RAB30: variants seen among roughly 807,000 people sequenced by gnomAD.
RAB30 encodes ras-related protein Rab-30.
In RAB30, 9 loss-of-function variants were observed where a neutral mutation model predicts 25.1. The observed-to-expected ratio is 0.36, with a 90% CI of 0.22 to 0.63. The LOEUF (loss-of-function observed/expected upper bound fraction) is 0.63, where lower values mean the gene tolerates loss of function less well. Among genes scored for constraint, RAB30 ranks in the 20% least tolerant of loss-of-function variants. The probability of loss-of-function intolerance (pLI) is 0.69; values close to 1 mark genes in which losing one functional copy is unlikely to be tolerated. For missense variants in RAB30, 140 were observed against 243.5 expected (o/e 0.58, Z 2.83); for synonymous variants, 77 against 86.4 (o/e 0.89, Z 0.60).
intron 1 of RAB30, among the ~76,000 whole-genome samples, chr11:83,049,686 A>G (rs1858315766): frequency 6.6e-6 from 1 of 151,496 alleles, no homozygotes; most frequent in Admixed American, 6.6e-5. Flanking sequence ...GGGTCTCACT[A>G]TGTTGCCCAG....
chr11:83,058,037 C>T (rs1320759031), intron 1 of RAB30, among the ~76,000 whole-genome samples: 1 of 152,160 alleles, frequency 6.6e-6, no homozygotes, highest in East Asian at 1.9e-4. Flanking sequence ...ATTGGCATCT[C>T]CCCTCTCACC....
chr11:83,066,622 C>A (rs1388105937), intron 1 of RAB30, among the ~76,000 whole-genome samples: 1 of 152,238 alleles, frequency 6.6e-6, no homozygotes, highest in Non-Finnish European at 1.5e-5. Flanking sequence ...ACAATCTCGG[C>A]TCACAGCAGC....
intron 1 of RAB30, among the ~76,000 whole-genome samples, chr11:83,025,594 C>T (rs1042383175): frequency 2.0e-5 from 3 of 152,306 alleles, no homozygotes; most frequent in Middle Eastern, 3.4e-3. Context: ...AACATGTTTA[C>T]TGGGAGTGAG....
At chr11:83,006,117 T>C (rs1368721217) in intron 1 of RAB30, among the ~76,000 whole-genome samples, 1 of 152,186 alleles carries the variant, frequency 6.6e-6, no homozygotes, top group Non-Finnish European at 1.5e-5. Context: ...GGGGCACTTG[T>C]ATACTACTGG....
intron 1 of RAB30, among the ~76,000 whole-genome samples, chr11:83,055,177 G>A (rs1389291451): frequency 6.6e-6 from 1 of 152,180 alleles, no homozygotes; most frequent in Non-Finnish European, 1.5e-5. Context: ...TAGCTCCAAA[G>A]TTGTTAGGGT....
chr11:83,041,840 G>T (rs909347387), intron 1 of RAB30, among the ~76,000 whole-genome samples: 1 of 152,004 alleles, frequency 6.6e-6, no homozygotes, highest in African/African-American at 2.4e-5. Context: ...CTAGAAGTGT[G>T]AGACCAGCCT....
chr11:82,990,773 T>A (rs1333751726), intron 3 of RAB30, among the ~76,000 whole-genome samples: 2 of 152,216 alleles, frequency 1.3e-5, no homozygotes, highest in Non-Finnish European at 2.9e-5. Context: ...CCATTTTTTT[T>A]ATTCTGCTAA....
chr11:83,032,303 T>C (rs755727436), intron 1 of RAB30, among the ~76,000 whole-genome samples: 5 of 152,202 alleles, frequency 3.3e-5, no homozygotes, highest in Non-Finnish European at 7.3e-5. Flanking sequence ...AAAAACAACA[T>C]TTGTTTTAGT....
intron 1 of RAB30, among the ~76,000 whole-genome samples, chr11:83,014,320 G>A (rs61902285): frequency 0.075 from 11,353 of 152,186 alleles, 721 homozygotes; most frequent in East Asian, 0.32. Flanking sequence ...GGCTAAGGCA[G>A]AAGGAACACT....
intron 1 of RAB30, chr11:83,034,462 G>A (rs1315161454): frequency 6.6e-6 from 1 of 152,140 alleles, no homozygotes; most frequent in Non-Finnish European, 1.5e-5. Flanking sequence ...CCACTTCGCA[G>A]AGTCATTTAG....
chr11:83,036,898 A>G (rs904501777), intron 1 of RAB30, among the ~76,000 whole-genome samples: 3 of 152,226 alleles, frequency 2.0e-5, no homozygotes, highest in Non-Finnish European at 4.4e-5. Context: ...GCAACAGGGA[A>G]AAAAGAACGG....
At chr11:83,006,619 G>C (rs1857190693) in intron 1 of RAB30, among the ~76,000 whole-genome samples, 1 of 152,148 alleles carries the variant, frequency 6.6e-6, no homozygotes, top group African/African-American at 2.4e-5. Flanking sequence ...TTTTTATTCA[G>C]TCTATAGTAG....
intron 1 of RAB30, among the ~76,000 whole-genome samples, chr11:83,035,943 G>T (rs942239072): frequency 6.6e-6 from 1 of 152,170 alleles, no homozygotes; most frequent in Non-Finnish European, 1.5e-5. Flanking sequence ...ACTCTTCTAT[G>T]CATGTTCAGA....
intron 1 of RAB30, among the ~76,000 whole-genome samples, chr11:83,066,821 G>C (rs1476302903): frequency 6.6e-6 from 1 of 152,192 alleles, no homozygotes; most frequent in African/African-American, 2.4e-5. Context: ...CAAAGTGTGG[G>C]GATTACAGGC....
intron 1 of RAB30, among the ~76,000 whole-genome samples, chr11:83,062,681 C>A (rs1386679210): frequency 6.6e-6 from 1 of 152,132 alleles, no homozygotes; most frequent in African/African-American, 2.4e-5. Flanking sequence ...TTGAGCCCCA[C>A]AATAATCCCC....
intron 1 of RAB30, among the ~76,000 whole-genome samples, chr11:82,998,442 G>A (rs1001342570): frequency 4.6e-5 from 7 of 151,790 alleles, no homozygotes. Flanking sequence ...CAGCTACTCA[G>A]GAGGCTGAGG....
chr11:83,060,708 G>A (rs1858553615), intron 1 of RAB30, among the ~76,000 whole-genome samples: 1 of 152,116 alleles, frequency 6.6e-6, no homozygotes, highest in African/African-American at 2.4e-5. Flanking sequence ...GTACTGTGGT[G>A]GTTAATTTTA....
chr11:83,019,955 C>G (rs1338684732), intron 1 of RAB30, among the ~76,000 whole-genome samples: 1 of 152,232 alleles, frequency 6.6e-6, no homozygotes, highest in African/African-American at 2.4e-5. Context: ...GGTGAGCTGT[C>G]TGGAGCAGCC....
intron 3 of RAB30, among the ~76,000 whole-genome samples, chr11:82,993,335 A>C (rs1162246859): frequency 2.0e-5 from 3 of 152,236 alleles, no homozygotes; most frequent in Non-Finnish European, 4.4e-5. Flanking sequence ...TAAGTAAGTT[A>C]TTTAACCTCT....
Sources: allele counts gnomAD v4.1 joint callset (sites outside exome capture counted in the v4.1 genomes callset), GRCh38; gene constraint gnomAD v4.1.1; transcripts MANE v1.5; gene names NCBI Gene and HGNC (gene_info 2026-07-23, HGNC 2026-07-21).